Variants in ROBO1 observed in about 807,000 individuals in gnomAD.
ROBO1 encodes roundabout homolog 1.
Under a neutral mutation model 195.9 loss-of-function variants are expected in ROBO1, and 149 were observed. The observed-to-expected ratio is 0.76, with a 90% confidence interval of 0.67 to 0.87. The LOEUF is 0.87. ROBO1 is among the 40% of genes least tolerant of loss of function. ROBO1 has a pLI of 0.00. For missense variants in ROBO1, 1,933 were observed against 2,068.3 expected (o/e 0.93, Z 1.27); for synonymous variants, 816 against 733.2 (o/e 1.11, Z -1.82).
chr3:78,933,400 C>A (rs1222621294), intron 4 of ROBO1, among the ~76,000 whole-genome samples: 1 of 152,084 alleles, frequency 6.6e-6, no homozygotes, highest in Non-Finnish European at 1.5e-5. Context: ...TGTCTTTTCT[C>A]TTAATGTATA....
At chr3:78,710,542 A>G (rs2081658597) in intron 8 of ROBO1, among the ~76,000 whole-genome samples, 1 of 152,186 alleles carries the variant, frequency 6.6e-6, no homozygotes, top group South Asian at 2.1e-4. Context: ...AATGCTGTTT[A>G]TTTACAAAAT....
intron 3 of ROBO1, among the ~76,000 whole-genome samples, chr3:79,106,976 T>A (rs536423037): frequency 6.6e-6 from 1 of 151,784 alleles, no homozygotes; most frequent in East Asian, 1.9e-4. Flanking sequence ...GCTAATCCAA[T>A]AATCTGAAGT....
In ROBO1 at chr3:79,318,475, G is replaced by C. The variant is rs577440764; in HGVS notation, c.89-192936C>G. ...TTTTAGCTATACAGCTAGATTTTAG[G>C]TCCCTCAGGAAAGTACAGCATTCAG... On this transcript the variant is annotated intron_variant, in intron 2 of 30. Transcript: ENST00000464233. Among the ~76,000 whole-genome samples the C allele has an allele frequency of 6.6e-5, 10 of 152,210 alleles. 1 individual carries two copies. In the South Asian group the frequency reaches 1.9e-3, roughly 28 times the overall value.
At chr3:78,979,505 A>C in intron 3 of ROBO1, among the ~76,000 whole-genome samples, 1 of 152,164 alleles carries the variant, frequency 6.6e-6, no homozygotes, top group Non-Finnish European at 1.5e-5. Flanking sequence ...ATGTAGATAA[A>C]ATTCTGACAA....
chr3:79,744,283 G>T (rs1300007237), intron 1 of ROBO1, among the ~76,000 whole-genome samples: 1 of 152,142 alleles, frequency 6.6e-6, no homozygotes, highest in East Asian at 1.9e-4. Flanking sequence ...ATCATGGTTA[G>T]GGTGTGCATG....
At chr3:78,676,634 A>C (rs1708449719) in intron 10 of ROBO1, among the ~76,000 whole-genome samples, 1 of 152,130 alleles carries the variant, frequency 6.6e-6, no homozygotes, top group Non-Finnish European at 1.5e-5. Flanking sequence ...AAAAAAGAAT[A>C]AAAAGAAATG....
chr3:78,982,864 C>T (rs762761324), intron 3 of ROBO1, among the ~76,000 whole-genome samples: 3 of 152,052 alleles, frequency 2.0e-5, no homozygotes, highest in East Asian at 1.9e-4. Context: ...AGTGATCCAC[C>T]GGCCATGGCC....
chr3:79,110,545 C>T (rs1278935018), intron 3 of ROBO1, among the ~76,000 whole-genome samples: 2 of 151,524 alleles, frequency 1.3e-5, no homozygotes. Context: ...AGTTGTTGGC[C>T]ACAGGATCTC....
At chr3:78,619,204 C>T (rs1206771504) in intron 26 of ROBO1, among the ~76,000 whole-genome samples, 1 of 151,984 alleles carries the variant, frequency 6.6e-6, no homozygotes, top group Non-Finnish European at 1.5e-5. Flanking sequence ...AAATTTTGCA[C>T]TCCTGAGAAG....
intron 2 of ROBO1, among the ~76,000 whole-genome samples, chr3:79,238,789 C>T (rs1381664529): frequency 6.6e-6 from 1 of 152,148 alleles, no homozygotes; most frequent in Non-Finnish European, 1.5e-5. Context: ...TTTTTAACTG[C>T]TTAGTATTTC....
At chr3:78,752,399 T>C (rs1156674271) in intron 4 of ROBO1, among the ~76,000 whole-genome samples, 1 of 152,132 alleles carries the variant, frequency 6.6e-6, no homozygotes, top group African/African-American at 2.4e-5. Context: ...CAAAAAACAT[T>C]AATATTCACC....
chr3:78,959,012 AG>A (rs1454308100), intron 3 of ROBO1, among the ~76,000 whole-genome samples: 1 of 151,892 alleles, frequency 6.6e-6, no homozygotes, highest in Non-Finnish European at 1.5e-5. Flanking sequence ...CTATGTTGCC[AG>A]GTGGGTCTCC....
At chr3:78,762,649 TAGC>T in intron 4 of ROBO1, among the ~76,000 whole-genome samples, 1 of 152,134 alleles carries the variant, frequency 6.6e-6, no homozygotes, top group African/African-American at 2.4e-5. Flanking sequence ...GATTCATGCA[TAGC>T]AATTTCCTCT....
chr3:79,715,238 C>T (rs1332108641), intron 1 of ROBO1, among the ~76,000 whole-genome samples: 4 of 152,066 alleles, frequency 2.6e-5, no homozygotes, highest in African/African-American at 7.2e-5. Flanking sequence ...GGATTGAACT[C>T]AATTTTAAAA....
Position 79,675,598 on chromosome 3 carries a change from T to C in ROBO1, c.-50-85637A>G, listed in dbSNP as rs139677984. Among the ~76,000 whole-genome samples the C allele has an allele frequency of 4.6e-4, 70 of 152,150 alleles. 1 individual carries two copies. In the East Asian group the frequency reaches 7.6e-3, roughly 16 times the overall value. ...ACCAAGGTGATCTGAATAATCTATA[T>C]ATGAATAATCAGTACTAATAATTTA... On this transcript the variant is annotated intron_variant, in intron 1 of 30. Transcript: ENST00000464233.
intron 1 of ROBO1, among the ~76,000 whole-genome samples, chr3:79,737,540 A>C (rs953439566): frequency 7.2e-5 from 11 of 152,166 alleles, no homozygotes; most frequent in Admixed American, 2.0e-4. Flanking sequence ...ATTTCTCTAA[A>C]TCTTAACTTA....
At chr3:79,439,921 A>G (rs2038999506) in intron 2 of ROBO1, among the ~76,000 whole-genome samples, 1 of 152,060 alleles carries the variant, frequency 6.6e-6, no homozygotes, top group Non-Finnish European at 1.5e-5. Flanking sequence ...CAGGGAAGAG[A>G]GTGACAATAT....
intron 2 of ROBO1, among the ~76,000 whole-genome samples, chr3:79,429,708 C>A (rs2038597956): frequency 6.6e-6 from 1 of 152,110 alleles, no homozygotes; most frequent in African/African-American, 2.4e-5. Flanking sequence ...CAAAGACAAT[C>A]AATTTTTATG....
chr3:79,225,206 C>T (rs901235028), intron 2 of ROBO1, among the ~76,000 whole-genome samples: 1 of 151,736 alleles, frequency 6.6e-6, no homozygotes, highest in African/African-American at 2.4e-5. Flanking sequence ...CAGCCATAGA[C>T]TAGTATATAA....
Sources: gnomAD v4.1 joint callset for allele counts (sites outside exome capture counted in the v4.1 genomes callset) on GRCh38, gnomAD v4.1.1 for gene constraint, MANE v1.5 for transcripts, NCBI Gene and HGNC (gene_info 2026-07-23, HGNC 2026-07-21) for gene names.